DOCK3: variants seen among roughly 807,000 people sequenced by gnomAD.
DOCK3 encodes the protein dedicator of cytokinesis protein 3.
Under a neutral mutation model 265.6 loss-of-function variants are expected in DOCK3, and 60 were observed. The ratio of observed to expected loss-of-function variants is 0.23; its 90% CI spans 0.18 to 0.28. The LOEUF is 0.28. Among genes scored for constraint, DOCK3 ranks in the 10% least tolerant of loss-of-function variants. The probability of loss-of-function intolerance (pLI) is 1.00; values close to 1 mark genes in which losing one functional copy is unlikely to be tolerated. For synonymous variants in DOCK3, 881 were observed against 938.0 expected, an observed-to-expected ratio of 0.94 and a Z score of 1.11; for missense variants, 1,981 against 2,594.3, an observed-to-expected ratio of 0.76 and a Z score of 5.14.
chr3:51,328,448 C>A (rs1576819946), intron 32 of DOCK3, among the ~76,000 whole-genome samples: 1 of 152,132 alleles, frequency 6.6e-6, no homozygotes, highest in African/African-American at 2.4e-5. Context: ...CTTGACATAA[C>A]CCCAGGCAAG....
At chr3:50,687,856 G>A (rs548552688) in intron 1 of DOCK3, among the ~76,000 whole-genome samples, 26 of 152,292 alleles carry the variant, frequency 1.7e-4, no homozygotes, top group African/African-American at 6.0e-4. Context: ...TGTGGTGCTA[G>A]TTGGCAACAA....
intron 9 of DOCK3, among the ~76,000 whole-genome samples, chr3:51,110,294 G>C (rs1275075934): frequency 1.3e-5 from 2 of 152,038 alleles, no homozygotes; most frequent in Admixed American, 6.6e-5. Flanking sequence ...CAAAAAATGA[G>C]AAGAGACTCC....
intron 1 of DOCK3, among the ~76,000 whole-genome samples, chr3:50,753,812 G>A (rs1297010261): frequency 6.6e-6 from 1 of 152,186 alleles, no homozygotes; most frequent in Non-Finnish European, 1.5e-5. Flanking sequence ...CAGCTCATCA[G>A]TTGTACTGTT....
intron 16 of DOCK3, 46 bp downstream of exon 16, chr3:51,227,491 A>G (rs936024446): frequency 5.0e-6 from 8 of 1,608,698 alleles, no homozygotes; most frequent in Non-Finnish European, 6.8e-6. Flanking sequence ...GAATATAAAT[A>G]TAACTCTCTC....
At chr3:50,913,747 C>T (rs1367024728) in intron 4 of DOCK3, among the ~76,000 whole-genome samples, 2 of 152,042 alleles carry the variant, frequency 1.3e-5, no homozygotes, top group African/African-American at 2.4e-5. Flanking sequence ...GAATTCAGTG[C>T]GTTAGAATTG....
At position 51,383,800 on chromosome 3, in the gene DOCK3, T is replaced by C. The variant is rs541453134; in HGVS notation, c.*2241T>C. ...TCTTTCAAGCTTATTTGTAAATACC[T>C]ATTTGAATGCTGTGTATTTGTACAG... On this transcript the variant is annotated 3_prime_UTR_variant, in exon 53 of 53. Coordinates refer to ENST00000266037, the MANE Select transcript of DOCK3 (RefSeq NM_004947.5). 6.5e-6 allele frequency: 1 copy of C among 152,784 alleles called. No individual in the cohort carries two copies. Among genetic ancestry groups the C allele is most frequent in the East Asian group, 1.9e-4 (1 of 5,190 alleles). 9.5% of individuals were successfully genotyped at this position (152,784 alleles called of 1,614,324 possible).
intron 4 of DOCK3, among the ~76,000 whole-genome samples, chr3:50,893,854 T>G (rs2048760464): frequency 6.6e-6 from 1 of 151,684 alleles, no homozygotes; most frequent in Non-Finnish European, 1.5e-5. Flanking sequence ...GCCATCATTC[T>G]CAGCACAGTA....
At chr3:50,982,032 A>G (rs917795163) in intron 5 of DOCK3, among the ~76,000 whole-genome samples, 2 of 151,986 alleles carry the variant, frequency 1.3e-5, no homozygotes, top group Admixed American at 1.3e-4. Context: ...TATTTTTAGT[A>G]GAGATGAGGT....
intron 27 of DOCK3, among the ~76,000 whole-genome samples, chr3:51,302,842 G>A (rs2082429873): frequency 6.6e-6 from 1 of 152,140 alleles, no homozygotes; most frequent in Non-Finnish European, 1.5e-5. Flanking sequence ...CTGTCTGGCT[G>A]CCCTTAACAT....
chr3:50,750,654 T>G (rs1698610094), intron 1 of DOCK3, among the ~76,000 whole-genome samples: 2 of 152,154 alleles, frequency 1.3e-5, no homozygotes. Context: ...TTGCAGTGCT[T>G]CACTTGCTTT....
chr3:50,921,332 G>A (rs996024366), intron 4 of DOCK3, among the ~76,000 whole-genome samples: 1 of 152,096 alleles, frequency 6.6e-6, no homozygotes, highest in African/African-American at 2.4e-5. Flanking sequence ...TCTTCCACTT[G>A]ATCAAATTGG....
At chr3:51,023,085 A>G (rs2079662769) in intron 5 of DOCK3, among the ~76,000 whole-genome samples, 1 of 152,154 alleles carries the variant, frequency 6.6e-6, no homozygotes, top group Admixed American at 6.5e-5. Context: ...TTGTAGGTAG[A>G]TATCCAGATC....
chr3:51,183,191 G>A (rs1048405291), intron 12 of DOCK3, among the ~76,000 whole-genome samples: 2 of 152,218 alleles, frequency 1.3e-5, no homozygotes, highest in Non-Finnish European at 2.9e-5. Context: ...ATTGTCCTCT[G>A]ATATGAAATT....
chr3:51,123,586 GCTCT>G (rs966570299), intron 9 of DOCK3, among the ~76,000 whole-genome samples: 1 of 152,156 alleles, frequency 6.6e-6, no homozygotes, highest in Non-Finnish European at 1.5e-5. Flanking sequence ...GCTTCTTTGT[GCTCT>G]CTGTCTCACA....
At chr3:50,964,464 A>G (rs1221297939) in intron 5 of DOCK3, among the ~76,000 whole-genome samples, 3 of 152,146 alleles carry the variant, frequency 2.0e-5, no homozygotes, top group Admixed American at 2.0e-4. Flanking sequence ...CTAGAGGGAA[A>G]AATTACGTCT....
At chr3:51,201,474 A>G (rs539609688) in intron 12 of DOCK3, among the ~76,000 whole-genome samples, 1 of 152,226 alleles carries the variant, frequency 6.6e-6, no homozygotes, top group Non-Finnish European at 1.5e-5. Flanking sequence ...AGAGCTAACT[A>G]TCCTAAATAT....
intron 6 of DOCK3, 119 bp from the exon 7 acceptor site, chr3:51,075,237 C>T (rs2082016420): frequency 1.4e-6 from 1 of 737,764 alleles, no homozygotes; most frequent in African/African-American, 1.8e-5. Context: ...CATGTTCCTG[C>T]TAGGACAGTG....
rs1044561827 is a variant in DOCK3, at chr3:50,852,608, G to A, written c.162+10893G>A. Among the ~76,000 whole-genome samples, 8 of 152,174 alleles carry A rather than the reference G, an allele frequency of 5.3e-5. No homozygotes were observed. In the East Asian group the frequency reaches 1.5e-3, roughly 29 times the overall value. ...TTTTTTAATGCATGTGAGGTATTTA[G>A]TGATAATTCTCATTTATTTCAGATT... On this transcript the variant is annotated intron_variant, in intron 3 of 52. Transcript: ENST00000266037.
Position 51,225,649 on chromosome 3 carries a change from G to T in DOCK3, c.1253G>T (p.Gly418Val), listed in dbSNP as rs751448952. 6.2e-6 allele frequency: 10 copies of T among 1,610,296 alleles called. No homozygotes were observed. Among genetic ancestry groups the T allele is most frequent in the Non-Finnish European group, 8.5e-6 (10 of 1,178,350 alleles). ...GGATGTGGCATTTCTTTCCCCGCAG[G>T]TGATATCCGCAATGACCTGTACCTA... ...KLGFPDVIMP[G>V]DIRNDLYLTL... The change falls in exon 15 of 53, where the codon GGT (glycine) becomes GTT (valine). Residue 418 changes from glycine (G) to valine (V), a missense_variant and splice_region_variant. Physicochemically the swap from Gly to Val is moderately radical, Grantham distance 109. Transcript: ENST00000266037.
Sources: allele counts gnomAD v4.1 joint callset (sites outside exome capture counted in the v4.1 genomes callset), GRCh38; gene constraint gnomAD v4.1.1; transcripts MANE v1.5; gene names NCBI Gene and HGNC (gene_info 2026-07-23, HGNC 2026-07-21).